GRK2: variants seen among roughly 807,000 people sequenced by gnomAD.
GRK2 encodes adrenergic beta receptor kinase 1.
In GRK2, 23 loss-of-function variants were observed where a neutral mutation model predicts 97.8. The observed-to-expected ratio is 0.24, with a 90% confidence interval of 0.17 to 0.33. The LOEUF is 0.33. Ranked by LOEUF, GRK2 falls within the 10% of genes least tolerant of loss-of-function variation. The pLI, the probability that GRK2 is intolerant of heterozygous loss-of-function variation, is 1.00. For missense variants in GRK2, 633 were observed against 956.9 expected (o/e 0.66, Z 4.47); for synonymous variants, 425 against 381.7 (o/e 1.11, Z -1.32).
At position 67,281,680 on chromosome 11, in the gene GRK2, G is replaced by T. The variant is rs753710294; in HGVS notation, c.778G>T (p.Ala260Ser). 6.3e-7 allele frequency: 1 copy of T among 1,594,354 alleles called. No homozygotes were observed. The highest frequency in any genetic ancestry group is 1.4e-5 in the African/African-American group (1 of 71,296). Residue 260 changes from alanine (A) to serine (S), a missense_variant, in exon 10 of 21, where the codon GCG (alanine) becomes TCG (serine). Physicochemically the swap from Ala to Ser is moderately conservative, Grantham distance 99. Transcript: ENST00000308595. The surrounding 1 kb of genome is among the most constrained non-coding windows in gnomAD (Gnocchi z 5.7). ...DCPFIVCMSY[A>S]FHTPDKLSFI... is the part of the protein sequence containing the mutation. The stretch of plus-strand genomic sequence containing the variant: ...CCCATTCATTGTCTGCATGTCATAC[G>T]CGTTCCACACGCCAGACAAGCTCAG...
rs61763970 is a variant in GRK2, at chr11:67,285,394, G to A, written c.2014G>A (p.Val672Met). 13 of 1,608,398 alleles carry A rather than the reference G, an allele frequency of 8.1e-6. No homozygotes were observed. Among genetic ancestry groups the A allele is most frequent in the East Asian group, 2.2e-5 (1 of 44,836 alleles). Residue 672 changes from valine to methionine, a missense_variant, in exon 21 of 21, where the codon GTG becomes ATG. Physicochemically the swap from Val to Met is conservative, Grantham distance 21. Transcript: ENST00000308595. Reference sequence around the variant, plus strand: ...GATGAAGAACAAGCCGCGCTCGCCCGTGGTGGAGCTGAGCAAGGTGCCGCT... The same window carrying A: ...GATGAAGAACAAGCCGCGCTCGCCCATGGTGGAGCTGAGCAAGGTGCCGCT... Reference protein sequence around the residue: ...PKMKNKPRSPVVELSKVPLVQ... With the variant: ...PKMKNKPRSPMVELSKVPLVQ...
intron 18 of GRK2, 134 bp downstream of exon 18, chr11:67,284,507 G>C (rs1050094503): frequency 9.3e-7 from 1 of 1,078,520 alleles, no homozygotes. Context: ...GGCTGGGGCC[G>C]GGCATGGTGG....
At chr11:67,280,805 A>G in intron 7 of GRK2, 22 bp downstream of exon 7, 2 of 1,613,504 alleles carry the variant, frequency 1.2e-6, no homozygotes, top group Non-Finnish European at 1.7e-6. Context: ...TGGGTGGGGC[A>G]TGGAAAGCCA....
At chr11:67,272,362 G>A (rs1327628854) in intron 1 of GRK2, among the ~76,000 whole-genome samples, 1 of 152,148 alleles carries the variant, frequency 6.6e-6, no homozygotes, top group East Asian at 1.9e-4. Flanking sequence ...CTCGGAGCAC[G>A]TGGCCCAGCC....
At chr11:67,280,409 G>A (rs1590852356) in intron 6 of GRK2, 1 of 464,214 alleles carries the variant, frequency 2.2e-6, no homozygotes, top group Non-Finnish European at 3.9e-6. Context: ...TGCAAGCAGG[G>A]ACAGGAGACG....
At chr11:67,268,522 C>T (rs757784346) in intron 1 of GRK2, among the ~76,000 whole-genome samples, 16 of 152,252 alleles carry the variant, frequency 1.1e-4, no homozygotes, top group Non-Finnish European at 1.9e-4. Context: ...GGGCTCAAAA[C>T]GGCTCTCCTT....
At chr11:67,280,280 A>T (rs1202275453) in intron 6 of GRK2, 1 of 381,250 alleles carries the variant, frequency 2.6e-6, no homozygotes, top group Non-Finnish European at 4.9e-6. Context: ...CGTGACCCTC[A>T]CAGCCAGAGT....
At chr11:67,279,143 T>G (rs1225225330) in intron 2 of GRK2, 57 bp from the exon 3 acceptor site, 1 of 1,453,766 alleles carries the variant, frequency 6.9e-7, no homozygotes, top group Non-Finnish European at 9.6e-7. Flanking sequence ...CCATCCACAA[T>G]GATGGGAAGG....
rs942125607 is a variant in GRK2 at position 67,285,605 on chromosome 11, G to A, written c.*155G>A. 4.7e-5 allele frequency: 47 copies of A among 996,366 alleles called. No homozygotes were observed. In the South Asian group the frequency reaches 6.5e-4, roughly 14 times the overall value. 61.7% of individuals were successfully genotyped at this position (996,366 alleles called of 1,614,324 possible). On this transcript the variant is annotated 3_prime_UTR_variant, in exon 21 of 21. Coordinates refer to ENST00000308595, the MANE Select transcript of GRK2 (RefSeq NM_001619.5). The stretch of plus-strand genomic sequence containing the variant: ...CCCCCGGGAGGGGCCCGCTTGCCTC[G>A]GCTCCTGCTGCACCAACCCAGCCGC...
intron 2 of GRK2, among the ~76,000 whole-genome samples, chr11:67,278,924 C>T (rs547861124): frequency 6.6e-6 from 1 of 152,336 alleles, no homozygotes; most frequent in African/African-American, 2.4e-5. Context: ...CCCCGCTCCT[C>T]TGCCTCACCC....
chr11:67,282,637 G>A lies in GRK2; in HGVS notation c.1160+95G>A. The A allele has an allele frequency of 6.4e-7, 1 of 1,557,360 alleles. No individual in the cohort carries two copies. Among genetic ancestry groups the A allele is most frequent in the Non-Finnish European group, 8.8e-7 (1 of 1,136,414 alleles). ...TGCCAAAGGAGGGGAGCCCATAGCT[G>A]CCTTGGTGGTAGGGTTGGCACCGTC... On this transcript the variant is annotated intron_variant, in intron 13 of 20. Transcript: ENST00000308595. The surrounding 1 kb of genome is among the most constrained non-coding windows in gnomAD (Gnocchi z 6.9).
intron 3 of GRK2, 23 bp downstream of exon 3, chr11:67,279,296 C>T: frequency 6.2e-7 from 1 of 1,612,908 alleles, no homozygotes; most frequent in East Asian, 2.2e-5. Context: ...GGCCCAAGCC[C>T]TGCTCTGCCT....
At chr11:67,277,374 C>G (rs1031667923) in intron 2 of GRK2, 26 bp downstream of exon 2, 2 of 1,597,746 alleles carry the variant, frequency 1.3e-6, no homozygotes, top group African/African-American at 2.7e-5. Flanking sequence ...GCTCTGCCAG[C>G]CACCGGACTT....
At chr11:67,273,413 C>T (rs2136492200) in intron 1 of GRK2, among the ~76,000 whole-genome samples, 1 of 152,364 alleles carries the variant, frequency 6.6e-6, no homozygotes, top group African/African-American at 2.4e-5. Flanking sequence ...CTCACTGCCA[C>T]TCCAGACTCT....
At chr11:67,283,621 TCA>T (rs1401472999) in intron 15 of GRK2, 84 bp from the exon 16 acceptor site, 5 of 1,388,844 alleles carry the variant, frequency 3.6e-6, no homozygotes, top group Non-Finnish European at 4.0e-6. Flanking sequence ...TTGCCCAAGT[TCA>T]CAGAGCCAGA....
intron 1 of GRK2, chr11:67,277,012 C>T (rs1860045269): frequency 5.4e-6 from 2 of 369,196 alleles, no homozygotes; most frequent in Non-Finnish European, 1.0e-5. Context: ...ACCCCACAGG[C>T]GGTGGGCCTC....
At position 67,281,840 on chromosome 11, in the gene GRK2, A is replaced by G. The variant is rs1402018551; in HGVS notation, c.845A>G (p.His282Arg). 6.2e-7 allele frequency: 1 copy of G among 1,612,932 alleles called. No individual in the cohort carries two copies. The highest frequency in any genetic ancestry group is 8.5e-7 in the Non-Finnish European group (1 of 1,179,770). ...CCCTCAGGTGGGGACCTGCACTACC[A>G]CCTCTCCCAGCACGGGGTCTTCTCA... ...DLMNGGDLHY[H>R]LSQHGVFSEA... The change falls in exon 11 of 21, where the codon CAC (histidine) becomes CGC (arginine). Residue 282 changes from histidine to arginine, a missense_variant. By Grantham distance (29) the His-to-Arg change is conservative. Around this residue, in one of 4 missense-constraint regions of GRK2, gnomAD observed 192 missense variants for 362.3 expected, o/e 0.53. Coordinates refer to ENST00000308595, the MANE Select transcript of GRK2 (RefSeq NM_001619.5). The surrounding 1 kb of genome is among the most constrained non-coding windows in gnomAD (Gnocchi z 5.7).
chr11:67,282,342 CAAG>C lies in GRK2; in HGVS notation c.1036_1038del (p.Lys346del). The C allele has an allele frequency of 6.2e-7, 1 of 1,613,534 alleles. No homozygotes were observed. Among genetic ancestry groups the C allele is most frequent in the Non-Finnish European group, 8.5e-7 (1 of 1,179,958 alleles). On this transcript the variant is annotated inframe_deletion, in exon 12 of 21. Coordinates refer to ENST00000308595, the MANE Select transcript of GRK2 (RefSeq NM_001619.5). The surrounding 1 kb of genome is among the most constrained non-coding windows in gnomAD (Gnocchi z 6.9). ...ACCTGGGCCTGGCCTGTGACTTCTC[CAAG>C]AAGAAGCCCCATGCCAGCGTGTGAG... is the stretch of plus-strand genomic sequence containing the variant.
chr11:67,284,587 C>A, intron 18 of GRK2: 1 of 707,322 alleles, frequency 1.4e-6, no homozygotes, highest in Non-Finnish European at 2.3e-6. Flanking sequence ...GAGTTTGAGA[C>A]CAGCCTGGCC....
Sources: allele counts gnomAD v4.1 joint callset (sites outside exome capture counted in the v4.1 genomes callset), GRCh38; gene constraint gnomAD v4.1.1; regional missense constraint gnomAD v4.1.1; non-coding constraint Gnocchi (gnomAD v3.1); transcripts MANE v1.5; gene names NCBI Gene and HGNC (gene_info 2026-07-23, HGNC 2026-07-21).